PTCH1: variants seen among roughly 807,000 people sequenced by gnomAD.
PTCH1 encodes patched 1.
PTCH1 carries 14 observed loss-of-function variants against 144.6 expected under a neutral mutation model. That is an observed-to-expected ratio of 0.10 (90% CI 0.06 to 0.15). The LOEUF is 0.15. PTCH1 is among the 10% of genes least tolerant of loss of function. The pLI is 1.00. For synonymous variants in PTCH1, 833 were observed against 793.6 expected (o/e 1.05, Z -0.83); for missense variants, 1,623 against 1,948.3 (o/e 0.83, Z 3.14).
intron 16 of PTCH1, among the ~76,000 whole-genome samples, chr9:95,461,346 T>C (rs1369302781): frequency 1.3e-5 from 2 of 152,192 alleles, no homozygotes. Context: ...TGTCTACTCC[T>C]GGGGCCAGGG....
intron 22 of PTCH1, among the ~76,000 whole-genome samples, chr9:95,448,679 A>C (rs774226108): frequency 6.6e-6 from 1 of 152,284 alleles, no homozygotes; most frequent in South Asian, 2.1e-4. Flanking sequence ...GGCAATAAAA[A>C]TACTACTAGT....
chr9:95,484,433 G>A (rs1588619742), intron 3 of PTCH1: 1 of 152,350 alleles, frequency 6.6e-6, no homozygotes, highest in East Asian at 1.9e-4. Context: ...CCAAAGACAT[G>A]TGACTCGACC....
At chr9:95,486,693 C>A (rs570127281) in intron 2 of PTCH1, among the ~76,000 whole-genome samples, 1 of 152,368 alleles carries the variant, frequency 6.6e-6, no homozygotes, top group African/African-American at 2.4e-5. Flanking sequence ...GAGCAGGTGA[C>A]CAAAGAAAAC....
exon 1 of PTCH1, chr9:95,516,734 A>C (rs2118957972): frequency 6.2e-7 from 1 of 1,609,248 alleles, no homozygotes; most frequent in Non-Finnish European, 8.5e-7. Context: ...AAGTGTAAAA[A>C]CCCCGGCGCG....
chr9:95,491,216 G>C (rs1240953613), intron 2 of PTCH1, among the ~76,000 whole-genome samples: 1 of 152,160 alleles, frequency 6.6e-6, no homozygotes, highest in African/African-American at 2.4e-5. Flanking sequence ...TACGTCTTTG[G>C]AAATATTTTG....
intron 2 of PTCH1, among the ~76,000 whole-genome samples, chr9:95,496,263 G>A (rs1842785422): frequency 1.3e-5 from 2 of 152,170 alleles, no homozygotes; most frequent in Admixed American, 6.5e-5. Flanking sequence ...GCAGTCCAGC[G>A]CCTCCCAATG....
intron 5 of PTCH1, 84 bp from the exon 6 acceptor site, chr9:95,480,672 A>G: frequency 7.2e-7 from 1 of 1,389,484 alleles, no homozygotes; most frequent in Admixed American, 1.7e-5. Flanking sequence ...CACTGCATCC[A>G]CCTTGTAGGA....
At position 95,509,256 on chromosome 9, in the gene PTCH1, G is replaced by T. The variant is rs558362097; in HGVS notation, c.-895C>A. Among the ~76,000 whole-genome samples, 263 of 152,148 alleles carry T rather than the reference G, an allele frequency of 1.7e-3. 1 individual carries two copies. The highest frequency in any genetic ancestry group is 6.0e-3 in the African/African-American group (249 of 41,528). On this transcript the variant is annotated 5_prime_UTR_variant, in exon 1 of 24. Transcript: ENST00000331920. ...TTGGAGAAAGAAGAGGAGGAGGGGAGGGGAGGGGGTGGAGGGGGAGAGAGC... is the reference window on the plus strand; with the variant it reads ...TTGGAGAAAGAAGAGGAGGAGGGGATGGGAGGGGGTGGAGGGGGAGAGAGC...
At chr9:95,507,900 G>C (rs960429247) in intron 1 of PTCH1, 1 of 1,300,182 alleles carries the variant, frequency 7.7e-7, no homozygotes, top group Non-Finnish European at 9.9e-7. Flanking sequence ...GGGAGGGCGT[G>C]TGTATACACA....
intron 2 of PTCH1, among the ~76,000 whole-genome samples, chr9:95,498,750 C>A (rs60031743): frequency 0.025 from 3,823 of 152,236 alleles, 142 homozygotes; most frequent in African/African-American, 0.085. Flanking sequence ...ATTTTGATGA[C>A]CCTGATTATA....
intron 19 of PTCH1, among the ~76,000 whole-genome samples, chr9:95,456,021 ACTCC>A (rs1838889379): frequency 3.9e-5 from 6 of 152,032 alleles, no homozygotes; most frequent in Non-Finnish European, 8.8e-5. Flanking sequence ...TTCAAGGCCC[ACTCC>A]AACACACCAA....
chr9:95,507,195 G>C, intron 1 of PTCH1: 1 of 985,608 alleles, frequency 1.0e-6, no homozygotes, highest in Non-Finnish European at 1.2e-6. Flanking sequence ...TGTGTGAGCT[G>C]AATTAGGAAG....
intron 2 of PTCH1, among the ~76,000 whole-genome samples, chr9:95,487,086 G>T (rs1037462040): frequency 1.3e-5 from 2 of 152,248 alleles, no homozygotes; most frequent in South Asian, 4.2e-4. Flanking sequence ...ATAAGGACTG[G>T]GAACAGCGGG....
rs28688501 is a variant in PTCH1 at position 95,446,156 on chromosome 9, C to G, written c.*237G>C. On this transcript the variant is annotated 3_prime_UTR_variant, in exon 24 of 24. Transcript: ENST00000331920. ...ACACTCTGGGGCAGGAGTGGAGAAG[C>G]CCCAGATCATACCACTTTACATCCT... 0.033 allele frequency: 10,843 copies of G among 324,804 alleles called. 1,104 individuals are homozygous for G. Among genetic ancestry groups the G allele is most frequent in the African/African-American group, 0.21 (10,016 of 46,622 alleles). 20.1% of individuals were successfully genotyped at this position (324,804 alleles called of 1,614,324 possible). A position where few individuals can be genotyped will look rare whatever the true frequency, so the allele number is the denominator to read the frequency against.
chr9:95,453,400 G>C, intron 20 of PTCH1, 78 bp downstream of exon 20: 1 of 1,600,206 alleles, frequency 6.2e-7, no homozygotes, highest in Non-Finnish European at 8.5e-7. Flanking sequence ...AAAGTGCTGG[G>C]ATTACAGGCG....
chr9:95,486,207 C>T (rs1256523851), intron 2 of PTCH1, among the ~76,000 whole-genome samples: 1 of 152,226 alleles, frequency 6.6e-6, no homozygotes, highest in African/African-American at 2.4e-5. Context: ...AACCCTGTTA[C>T]AATTTCTTTC....
chr9:95,462,627 G>C (rs1404898138), intron 15 of PTCH1, among the ~76,000 whole-genome samples: 2 of 152,330 alleles, frequency 1.3e-5, no homozygotes, highest in East Asian at 1.9e-4. Context: ...CCTCAGGAGA[G>C]GGGGTGGAGG....
rs762191823 is a variant in PTCH1 at position 95,516,693 on chromosome 9, C to A, written c.-222G>T. ...TCCTCCGTTTTCTTCTTCTTCTTCT[C>A]CTCCTCCTCCGTCTTTACAAAAGGA... On this transcript the variant is annotated 5_prime_UTR_variant, in exon 1 of 23. Coordinates refer to the PTCH1 transcript ENST00000430669. The A allele has an allele frequency of 8.7e-6, 14 of 1,610,786 alleles. No homozygotes were observed. Among genetic ancestry groups the A allele is most frequent in the Non-Finnish European group, 1.2e-5 (14 of 1,178,918 alleles).
upstream of PTCH1, among the ~76,000 whole-genome samples, chr9:95,510,027 G>A (rs1451176153): frequency 3.3e-5 from 5 of 151,348 alleles, no homozygotes; most frequent in African/African-American, 4.9e-5. Context: ...CACAGTCTTG[G>A]TTTGAAGGAG....
Sources: allele counts gnomAD v4.1 joint callset (sites outside exome capture counted in the v4.1 genomes callset), GRCh38; gene constraint gnomAD v4.1.1; transcripts MANE v1.5; gene names NCBI Gene and HGNC (gene_info 2026-07-23, HGNC 2026-07-21).